Variants in MPP7 observed in about 807,000 individuals in gnomAD.
MPP7 encodes the protein MAGUK p55 subfamily member 7.
Under a neutral mutation model 76.5 loss-of-function variants are expected in MPP7, and 60 were observed. The ratio of observed to expected loss-of-function variants is 0.78; its 90% CI spans 0.64 to 0.97. The LOEUF (loss-of-function observed/expected upper bound fraction) is 0.97. MPP7 is among the 50% of genes least tolerant of loss of function. MPP7 has a pLI of 0.00. For synonymous variants in MPP7, 237 were observed against 244.5 expected (o/e 0.97, Z 0.29); for missense variants, 641 against 694.0 (o/e 0.92, Z 0.86).
At chr10:28,147,061 C>A (rs937569750) in intron 5 of MPP7, among the ~76,000 whole-genome samples, 2 of 151,962 alleles carry the variant, frequency 1.3e-5, no homozygotes, top group African/African-American at 2.4e-5. Flanking sequence ...AGTAAAGGGA[C>A]AGGAAATGGG....
chr10:28,312,705 C>G (rs963662464), intron 2 of MPP7, among the ~76,000 whole-genome samples: 1 of 152,152 alleles, frequency 6.6e-6, no homozygotes, highest in Non-Finnish European at 1.5e-5. Context: ...ATGAGTCATT[C>G]AGAATTTAGA....
rs770918492 is a variant in MPP7, at chr10:28,279,807, C to T, written c.-132+23054G>A. On this transcript the variant is annotated intron_variant, in intron 1 of 16. Coordinates refer to ENST00000683449, the MANE Select transcript of MPP7 (RefSeq NM_001318170.2). ...GACGGAATTCCTACCTTCAAAGACA[C>T]GTCTATTAATTTTTCTTCCACTCAA... Among the ~76,000 whole-genome samples, 8 of 151,896 alleles carry T rather than the reference C, an allele frequency of 5.3e-5. No homozygotes were observed. The South Asian group carries it at 6.2e-4, about 12-fold the overall frequency.
chr10:28,058,776 T>C lies in MPP7; in HGVS notation c.1299-173A>G, dbSNP rs186854741. Among the ~76,000 whole-genome samples the C allele has an allele frequency of 2.8e-3, 427 of 152,326 alleles. 2 individuals are homozygous for C. The highest frequency in any genetic ancestry group is 4.4e-3 in the Non-Finnish European group (301 of 68,024). On this transcript the variant is annotated intron_variant, in intron 14 of 16. Coordinates refer to ENST00000683449, the MANE Select transcript of MPP7 (RefSeq NM_001318170.2). ...AAATGTCAGTTTTTAAAAAATCTTTTATTATACATTTTCAAATCAGTAACA... is the reference window on the plus strand; with the variant it reads ...AAATGTCAGTTTTTAAAAAATCTTTCATTATACATTTTCAAATCAGTAACA...
chr10:28,318,595 G>C (rs1834341101), intron 2 of MPP7, among the ~76,000 whole-genome samples: 1 of 152,190 alleles, frequency 6.6e-6, no homozygotes. Flanking sequence ...TGAGGCAGGA[G>C]AATCACTTGA....
chr10:28,134,067 T>C (rs1332045082), intron 5 of MPP7, among the ~76,000 whole-genome samples: 1 of 152,210 alleles, frequency 6.6e-6, no homozygotes, highest in Non-Finnish European at 1.5e-5. Flanking sequence ...TAAGTATATT[T>C]AAGAGTAGAA....
chr10:28,245,141 C>T (rs555177034), intron 1 of MPP7, among the ~76,000 whole-genome samples: 116 of 152,160 alleles, frequency 7.6e-4, no homozygotes, highest in Admixed American at 1.4e-3. Context: ...CAATGACCCA[C>T]TATTTTTGCT....
intron 1 of MPP7, among the ~76,000 whole-genome samples, chr10:28,252,940 C>T (rs1251322588): frequency 2.0e-5 from 3 of 151,758 alleles, no homozygotes; most frequent in East Asian, 3.9e-4. Flanking sequence ...CGGAGTCCCA[C>T]TGTGTCACCC....
chr10:28,091,147 AAAAAC>A (rs1853280038), intron 11 of MPP7, among the ~76,000 whole-genome samples: 1 of 152,160 alleles, frequency 6.6e-6, no homozygotes, highest in African/African-American at 2.4e-5. Context: ...ACTCCATTTC[AAAAAC>A]AAAACAAAAC....
chr10:28,186,790 T>A (rs1837251566), intron 3 of MPP7, among the ~76,000 whole-genome samples: 1 of 152,226 alleles, frequency 6.6e-6, no homozygotes, highest in Admixed American at 6.5e-5. Context: ...ATTCACTTAG[T>A]AGAGCAATTT....
At chr10:28,162,305 C>CT (rs1366267948) in intron 3 of MPP7, among the ~76,000 whole-genome samples, 1 of 152,118 alleles carries the variant, frequency 6.6e-6, no homozygotes, top group African/African-American at 2.4e-5. Flanking sequence ...ATCACACACC[C>CT]TACTCAGAAT....
At chr10:28,131,983 T>G (rs1427859842) in intron 5 of MPP7, among the ~76,000 whole-genome samples, 3 of 152,052 alleles carry the variant, frequency 2.0e-5, no homozygotes, top group African/African-American at 7.2e-5. Flanking sequence ...AGTTGTACAT[T>G]CTCTGGTTTA....
intron 1 of MPP7, among the ~76,000 whole-genome samples, chr10:28,255,501 G>A (rs753559282): frequency 2.7e-5 from 4 of 150,666 alleles, no homozygotes; most frequent in Non-Finnish European, 5.9e-5. Flanking sequence ...TGCAACCTCC[G>A]CCTCCTAGGT....
chr10:28,205,930 T>C (rs1408942051), intron 2 of MPP7, among the ~76,000 whole-genome samples: 1 of 152,118 alleles, frequency 6.6e-6, no homozygotes, highest in Non-Finnish European at 1.5e-5. Context: ...CTCATTATCT[T>C]GGGAATGGGT....
At chr10:28,155,395 G>C (rs905830119) in intron 3 of MPP7, among the ~76,000 whole-genome samples, 9 of 152,076 alleles carry the variant, frequency 5.9e-5, no homozygotes, top group African/African-American at 2.2e-4. Context: ...TTCAACACCA[G>C]CCTGGGTAAC....
At chr10:28,136,071 T>C (rs1835344767) in intron 5 of MPP7, among the ~76,000 whole-genome samples, 2 of 151,862 alleles carry the variant, frequency 1.3e-5, no homozygotes, top group African/African-American at 4.8e-5. Context: ...GTGAACTGAG[T>C]ATGCGAGGAT....
At chr10:28,250,481 C>T (rs1397109335) in intron 1 of MPP7, among the ~76,000 whole-genome samples, 6 of 152,140 alleles carry the variant, frequency 3.9e-5, no homozygotes, top group African/African-American at 1.4e-4. Context: ...ATAAGCCCAT[C>T]GGCAAACACA....
intron 3 of MPP7, among the ~76,000 whole-genome samples, chr10:28,182,603 A>G (rs567242025): frequency 2.6e-5 from 4 of 152,332 alleles, no homozygotes; most frequent in African/African-American, 9.6e-5. Context: ...GATAAAGATG[A>G]TTTCCAGACA....
At chr10:28,140,468 G>C (rs187832048) in intron 5 of MPP7, among the ~76,000 whole-genome samples, 96 of 151,974 alleles carry the variant, frequency 6.3e-4, no homozygotes, top group Middle Eastern at 3.4e-3. Flanking sequence ...CTGAGATCGC[G>C]CCACTGTACG....
In MPP7 at chr10:28,093,472, G is replaced by A. The variant is rs541739162; in HGVS notation, c.953-3631C>T. Among the ~76,000 whole-genome samples, 3 of 148,468 alleles carry A rather than the reference G, an allele frequency of 2.0e-5. No homozygotes were observed. The South Asian group carries it at 6.4e-4, about 32-fold the overall frequency. ...TTTTTTTTTTTTTTCTTGAGACAGG[G>A]TCTCACTTCTGTGGCTCAGGCTGGA... On this transcript the variant is annotated intron_variant, in intron 11 of 16. Coordinates refer to ENST00000683449, the MANE Select transcript of MPP7 (RefSeq NM_001318170.2).
Sources: allele counts gnomAD v4.1 joint callset (sites outside exome capture counted in the v4.1 genomes callset), GRCh38; gene constraint gnomAD v4.1.1; transcripts MANE v1.5; gene names NCBI Gene and HGNC (gene_info 2026-07-23, HGNC 2026-07-21).